ZNF445: variants seen among roughly 807,000 people sequenced by gnomAD.
The protein encoded by ZNF445 is zinc finger protein 445.
In ZNF445, 19 loss-of-function variants were observed where a neutral mutation model predicts 93.9. The observed-to-expected ratio is 0.20, with a 90% CI of 0.14 to 0.30. The LOEUF is 0.30. ZNF445 is among the 10% of genes least tolerant of loss of function. The pLI is 1.00. For missense variants in ZNF445, 1,058 were observed against 1,259.4 expected, an observed-to-expected ratio of 0.84 and a Z score of 2.42; for synonymous variants, 449 against 446.3, an observed-to-expected ratio of 1.01 and a Z score of -0.08.
rs1697645470 is a variant in ZNF445 at position 44,434,904 on chromosome 3, C to T, written c.*11671G>A. On this transcript the variant is annotated 3_prime_UTR_variant, in exon 8 of 8. Transcript: ENST00000396077. ...TATGCTATTGAACACTGTAACTCAA[C>T]TTTTACGTGCTACCTTATAGATAAC... The T allele has an allele frequency of 1.3e-5, 2 of 152,186 alleles. No individual in the cohort carries two copies. The highest frequency in any genetic ancestry group is 4.1e-4 in the South Asian group (2 of 4,830). 9.4% of individuals were successfully genotyped at this position (152,186 alleles called of 1,614,324 possible).
rs1415683100 is a variant in ZNF445 at position 44,445,135 on chromosome 3, T to C, written c.*1440A>G. 6.6e-6 allele frequency: 1 copy of C among 152,234 alleles called. No homozygotes were observed. Among genetic ancestry groups the C allele is most frequent in the Non-Finnish European group, 1.5e-5 (1 of 68,074 alleles). 9.4% of individuals were successfully genotyped at this position (152,234 alleles called of 1,614,324 possible). A position where few individuals can be genotyped will look rare whatever the true frequency, so the allele number is the denominator to read the frequency against. ...ATCTGATTGCTAGCACCAGATCTCA[T>C]ACATGGAGAGGGGTATGTGAAGCTG... On this transcript the variant is annotated 3_prime_UTR_variant, in exon 8 of 8. Transcript: ENST00000396077.
In ZNF445 at chr3:44,441,819, C is replaced by T. The variant is rs1697815291; in HGVS notation, c.*4756G>A. On this transcript the variant is annotated 3_prime_UTR_variant, in exon 8 of 8. Coordinates refer to ENST00000396077, the MANE Select transcript of ZNF445 (RefSeq NM_181489.6). The stretch of plus-strand genomic sequence containing the variant: ...TCCCCAAATCCATCAGGTCTCCTGC[C>T]TTAGGAAGGCAGAATGGTGACTTGC... 2 of 152,164 alleles carry T rather than the reference C, an allele frequency of 1.3e-5. No homozygotes were observed. The highest frequency in any genetic ancestry group is 4.8e-5 in the African/African-American group (2 of 41,438). The allele number at this position is 152,164 out of a possible 1,614,324, so 9.4% of individuals were successfully genotyped here. A position where few individuals can be genotyped will look rare whatever the true frequency, so the allele number is the denominator to read the frequency against.
In ZNF445 at chr3:44,446,650, T is replaced by C; in HGVS notation, c.3021A>G (p.Lys1007=). Residue 1007 remains lysine (K), a synonymous_variant, in exon 8 of 8, where the codon AAA becomes AAG. Coordinates refer to ENST00000396077, the MANE Select transcript of ZNF445 (RefSeq NM_181489.6). This position sits in a 1 kb window ranked among gnomAD's most constrained non-coding sequence, Gnocchi z 4.2. The part of the protein sequence containing the change: ...KRFHTRERPF[K]CSKCGKTFRW... ...TGAAGGTCTTTCCACACTTGCTGCATTTGAAGGGCCTCTCTCGAGTATGAA... is the reference window on the plus strand; with the variant it reads ...TGAAGGTCTTTCCACACTTGCTGCACTTGAAGGGCCTCTCTCGAGTATGAA... 6.2e-7 allele frequency: 1 copy of C among 1,614,248 alleles called. No homozygotes were observed. Among genetic ancestry groups the C allele is most frequent in the Non-Finnish European group, 8.5e-7 (1 of 1,180,050 alleles).
chr3:44,472,561 G>A (rs1366109769), intron 1 of ZNF445, among the ~76,000 whole-genome samples: 1 of 152,206 alleles, frequency 6.6e-6, no homozygotes, highest in African/African-American at 2.4e-5. Flanking sequence ...AATTCAGGGC[G>A]AATGCCTGTG....
intron 3 of ZNF445, among the ~76,000 whole-genome samples, chr3:44,452,329 T>C (rs1697968323): frequency 6.6e-6 from 1 of 151,812 alleles, no homozygotes; most frequent in African/African-American, 2.4e-5. Flanking sequence ...TTATCTCCCG[T>C]TTTTTATTCT....
At chr3:44,465,319 A>G (rs9810680) in intron 1 of ZNF445, among the ~76,000 whole-genome samples, 1,852 of 152,338 alleles carry the variant, frequency 0.012, 34 homozygotes, top group African/African-American at 0.043. Flanking sequence ...GGAATGGAAC[A>G]AAACTGAAGG....
rs1352677269 is a variant in ZNF445, at chr3:44,431,732, ATACTT to A, written c.*14838_*14842del. On this transcript the variant is annotated 3_prime_UTR_variant, in exon 8 of 8. Transcript: ENST00000396077. ...TTGAGCAAAAAATGCAAGACAGACAATACTTTATTACTTCATTTCTATAAAGTACA... is the reference window on the plus strand; with the variant it reads ...TTGAGCAAAAAATGCAAGACAGACAATATTACTTCATTTCTATAAAGTACA... 1 of 152,088 alleles carries A rather than the reference ATACTT, an allele frequency of 6.6e-6. No individual in the cohort carries two copies. Among genetic ancestry groups the A allele is most frequent in the African/African-American group, 2.4e-5 (1 of 41,420 alleles). The allele number at this position is 152,088 out of a possible 1,614,324, so 9.4% of individuals were successfully genotyped here.
At chr3:44,474,177 T>G (rs998569151) in intron 1 of ZNF445, among the ~76,000 whole-genome samples, 9 of 152,162 alleles carry the variant, frequency 5.9e-5, no homozygotes, top group Non-Finnish European at 1.2e-4. Context: ...TGGTAAAACT[T>G]GACAGAAAAC....
At chr3:44,476,737 G>C (rs1184054222) in intron 1 of ZNF445, among the ~76,000 whole-genome samples, 1 of 152,100 alleles carries the variant, frequency 6.6e-6, no homozygotes, top group Non-Finnish European at 1.5e-5. Context: ...CTCTGCCTTT[G>C]TTTAAAAACT....
In ZNF445 at chr3:44,446,581, T is replaced by G. The variant is rs1389866269; in HGVS notation, c.3090A>C (p.Arg1030Ser). 6.2e-7 allele frequency: 1 copy of G among 1,614,134 alleles called. No individual in the cohort carries two copies. The highest frequency in any genetic ancestry group is 8.5e-7 in the Non-Finnish European group (1 of 1,180,042). The stretch of plus-strand genomic sequence containing the variant: ...GTCACTGTCAGGTCCCAGGCTAATC[T>G]CTAATATGGTTTTTCATATGCCGAG... ...NLARHMKNHI[R>S]D The change falls in exon 8 of 8, where the codon AGA becomes AGC. Residue 1030 changes from arginine (R) to serine (S), a missense_variant. Arg to Ser is a moderately radical substitution (Grantham distance 110). Around this residue, in one of 3 missense-constraint regions of ZNF445, gnomAD observed 387 missense variants for 475.7 expected, o/e 0.81. Coordinates refer to ENST00000396077, the MANE Select transcript of ZNF445 (RefSeq NM_181489.6). This position sits in a 1 kb window ranked among gnomAD's most constrained non-coding sequence, Gnocchi z 4.2.
chr3:44,441,960 G>A lies in ZNF445; in HGVS notation c.*4615C>T, dbSNP rs1697817544. On this transcript the variant is annotated 3_prime_UTR_variant, in exon 8 of 8. Transcript: ENST00000396077. ...ATATGTCCACAAGGCTTACATGCTA[G>A]ACACTATTCTAAGCATTTTACATGC... 1 of 152,170 alleles carries A rather than the reference G, an allele frequency of 6.6e-6. No homozygotes were observed. The highest frequency in any genetic ancestry group is 1.5e-5 in the Non-Finnish European group (1 of 68,060). 9.4% of individuals were successfully genotyped at this position (152,170 alleles called of 1,614,324 possible).
intron 2 of ZNF445, among the ~76,000 whole-genome samples, chr3:44,457,921 G>C (rs1274120575): frequency 6.8e-6 from 1 of 147,636 alleles, no homozygotes; most frequent in Admixed American, 7.0e-5. Context: ...GCTGAGGCAG[G>C]AGAATTGCTT....
intron 4 of ZNF445, 80 bp from the exon 5 acceptor site, chr3:44,451,042 A>G (rs1466714189): frequency 1.7e-6 from 2 of 1,198,490 alleles, no homozygotes; most frequent in Admixed American, 5.6e-5. Flanking sequence ...CCAGTAGAGG[A>G]CTCCTGGACC....
intron 7 of ZNF445, among the ~76,000 whole-genome samples, chr3:44,449,243 G>T (rs1237225973): frequency 6.6e-6 from 1 of 152,156 alleles, no homozygotes; most frequent in Non-Finnish European, 1.5e-5. Context: ...GTGAAAGACA[G>T]GAACAGTGAA....
chr3:44,455,010 T>C, intron 3 of ZNF445, 111 bp downstream of exon 3: 3 of 1,345,800 alleles, frequency 2.2e-6, no homozygotes, highest in African/African-American at 1.4e-5. Context: ...AAAGGAAGGC[T>C]TCCCCTGCAC....
At chr3:44,454,804 A>G (rs1390567921) in intron 3 of ZNF445, 3 of 367,736 alleles carry the variant, frequency 8.2e-6, no homozygotes, top group Non-Finnish European at 1.5e-5. Flanking sequence ...CCTGGCCTCA[A>G]GCAATCCTCC....
intron 1 of ZNF445, among the ~76,000 whole-genome samples, chr3:44,473,103 G>A (rs2125686445): frequency 6.6e-6 from 1 of 152,230 alleles, no homozygotes; most frequent in South Asian, 2.1e-4. Flanking sequence ...ACCAGTGTAA[G>A]TGTATAGAAG....
rs1559390163 is a variant in ZNF445, at chr3:44,446,621, C to T, written c.3050G>A (p.Trp1017Ter). 1 of 1,614,224 alleles carries T rather than the reference C, an allele frequency of 6.2e-7. No individual in the cohort carries two copies. ...CATATGCCGAGCCAGGTTCGAAGAC[C>T]ACCTGAAGGTCTTTCCACACTTGCT... ...KCSKCGKTFR[W>*]SSNLARHMKN... Residue 1017 changes from tryptophan (W) to a stop codon, truncating the protein, a stop_gained, in exon 8 of 8, where the codon TGG becomes TAG. Coordinates refer to ENST00000396077, the MANE Select transcript of ZNF445 (RefSeq NM_181489.6). LOFTEE classifies it high-confidence loss of function. The surrounding 1 kb of genome is among the most constrained non-coding windows in gnomAD (Gnocchi z 4.2).
chr3:44,451,551 C>A, intron 3 of ZNF445, 69 bp from the exon 4 acceptor site: 15 of 1,518,694 alleles, frequency 9.9e-6, no homozygotes, highest in Non-Finnish European at 1.3e-5. Flanking sequence ...GAAGAGACCA[C>A]ATGACCAATC....
Sources: gnomAD v4.1 joint callset for allele counts (sites outside exome capture counted in the v4.1 genomes callset) on GRCh38, gnomAD v4.1.1 for gene constraint, gnomAD v4.1.1 regional missense constraint, Gnocchi (gnomAD v3.1) non-coding constraint, MANE v1.5 for transcripts, NCBI Gene and HGNC (gene_info 2026-07-23, HGNC 2026-07-21) for gene names.